The following EPHX2 variants were observed in gnomAD, a reference collection of about 807,000 sequenced individuals.
The protein encoded by EPHX2 is bifunctional epoxide hydrolase 2.
Under a neutral mutation model 78.7 loss-of-function variants are expected in EPHX2, and 74 were observed. The observed-to-expected ratio is 0.94, with a 90% CI of 0.78 to 1.14. The LOEUF is 1.14. Among genes scored for constraint, EPHX2 ranks in the 50% most tolerant of loss-of-function variants. The pLI, the probability that EPHX2 is intolerant of heterozygous loss-of-function variation, is 0.00. For synonymous variants in EPHX2, 251 were observed against 255.2 expected (o/e 0.98, Z 0.16); for missense variants, 715 against 702.5 (o/e 1.02, Z -0.20).
At chr8:27,510,414 A>C (rs1176793019) in intron 5 of EPHX2, among the ~76,000 whole-genome samples, 2 of 152,140 alleles carry the variant, frequency 1.3e-5, no homozygotes, top group Non-Finnish European at 2.9e-5. Flanking sequence ...CTTGTTCAGG[A>C]ATTTCCTATT....
intron 1 of EPHX2, among the ~76,000 whole-genome samples, chr8:27,492,045 G>T (rs1813399319): frequency 6.6e-6 from 1 of 151,158 alleles, no homozygotes; most frequent in African/African-American, 2.4e-5. Flanking sequence ...TTTATAAAGT[G>T]AAAAAGAAGG....
intron 12 of EPHX2, among the ~76,000 whole-genome samples, chr8:27,528,137 A>G (rs568587522): frequency 7.2e-5 from 11 of 152,340 alleles, no homozygotes; most frequent in African/African-American, 2.6e-4. Context: ...TAGTAATTAC[A>G]GCCCTTGTCA....
chr8:27,543,623 T>C (rs1045294106), intron 16 of EPHX2, 126 bp from the exon 17 acceptor site: 69 of 861,100 alleles, frequency 8.0e-5, no homozygotes, highest in Non-Finnish European at 1.2e-4. Context: ...CACGAGTCTG[T>C]TGTGCAAAGT....
At chr8:27,543,223 T>A (rs1405964740) in intron 16 of EPHX2, among the ~76,000 whole-genome samples, 2 of 152,008 alleles carry the variant, frequency 1.3e-5, no homozygotes, top group Non-Finnish European at 2.9e-5. Flanking sequence ...GGGTCAAAGC[T>A]GCTTGGAAAT....
intron 2 of EPHX2, among the ~76,000 whole-genome samples, chr8:27,501,324 TTTC>T (rs796293855): frequency 0.11 from 11,495 of 102,840 alleles, 706 homozygotes; most frequent in Admixed American, 0.12. Flanking sequence ...TGCTATATAT[TTTC>T]TTCTTCTTCT....
In EPHX2 at chr8:27,525,369, G is replaced by A. The variant is rs1351954807; in HGVS notation, c.1066G>A (p.Ala356Thr). 1.2e-6 allele frequency: 2 copies of A among 1,613,900 alleles called. No individual in the cohort carries two copies. The highest frequency in any genetic ancestry group is 3.3e-5 in the Admixed American group (2 of 59,984). Residue 356 changes from alanine to threonine, a missense_variant, in exon 12 of 19, where the codon GCC becomes ACC. By Grantham distance (58) the Ala-to-Thr change is moderately conservative (BLOSUM62 0). Coordinates refer to ENST00000521400, the MANE Select transcript of EPHX2 (RefSeq NM_001979.6). ...LFYPERVRAVASLNTPFIPAN... is the reference protein window; with the variant it reads ...LFYPERVRAVTSLNTPFIPAN... ...TGCCTCTTATTTCTGTAGGGCGGTG[G>A]CCAGTTTGAATACTCCCTTCATACC...
intron 13 of EPHX2, among the ~76,000 whole-genome samples, chr8:27,538,164 C>G (rs893988406): frequency 2.6e-5 from 4 of 152,200 alleles, no homozygotes; most frequent in African/African-American, 9.7e-5. Flanking sequence ...TTGGTTTCCT[C>G]TTAGTACCAA....
intron 2 of EPHX2, among the ~76,000 whole-genome samples, chr8:27,502,469 T>C (rs1224215719): frequency 6.6e-6 from 1 of 152,222 alleles, no homozygotes; most frequent in Admixed American, 6.5e-5. Flanking sequence ...ACATAGCACC[T>C]TCAGCTGCTA....
At chr8:27,502,070 C>T (rs146840900) in intron 2 of EPHX2, among the ~76,000 whole-genome samples, 27 of 152,322 alleles carry the variant, frequency 1.8e-4, no homozygotes, top group Non-Finnish European at 2.2e-4. Context: ...ACATTCTCAG[C>T]GCTGTAGGCA....
At chr8:27,522,114 C>T (rs1395969794) in intron 10 of EPHX2, among the ~76,000 whole-genome samples, 1 of 141,682 alleles carries the variant, frequency 7.1e-6, no homozygotes, top group Admixed American at 7.1e-5. Flanking sequence ...GTAAGTTTTA[C>T]TTCTTTTAAG....
rs1814685440 is a variant in EPHX2 at position 27,522,490 on chromosome 8, T to C, written c.1040T>C (p.Phe347Ser). ...GGMLVWYMALFYPERVRAVAS... is the reference protein window; with the variant it reads ...GGMLVWYMALSYPERVRAVAS... ...ATGCTGGTGTGGTACATGGCTCTCT[T>C]CTACCCCGAGAGAGTGAGGTAATTG... The change falls in exon 11 of 19, where the codon TTC becomes TCC. Residue 347 changes from phenylalanine (F) to serine (S), a missense_variant. Coordinates refer to ENST00000521400, the MANE Select transcript of EPHX2 (RefSeq NM_001979.6). The C allele has an allele frequency of 6.2e-7, 1 of 1,614,034 alleles. No homozygotes were observed. The highest frequency in any genetic ancestry group is 8.5e-7 in the Non-Finnish European group (1 of 1,179,982).
At chr8:27,537,144 C>T (rs1815240684) in intron 13 of EPHX2, among the ~76,000 whole-genome samples, 1 of 152,150 alleles carries the variant, frequency 6.6e-6, no homozygotes, top group Non-Finnish European at 1.5e-5. Context: ...TGTCCCCAAC[C>T]CTCTTCTTGA....
chr8:27,504,882 TC>T lies in EPHX2; in HGVS notation c.347-71del. On this transcript the variant is annotated intron_variant, in intron 3 of 18. Coordinates refer to ENST00000521400, the MANE Select transcript of EPHX2 (RefSeq NM_001979.6). ...CAACCTGCTTGGCCCATCATTGGAG[TC>T]CCTTGGGGGTATCTGGAGCATTTCA... 5 of 1,499,042 alleles carry T rather than the reference TC, an allele frequency of 3.3e-6. No individual in the cohort carries two copies. In the East Asian group the frequency reaches 1.1e-4, roughly 34 times the overall value. 92.9% of individuals were successfully genotyped at this position (1,499,042 alleles called of 1,614,324 possible).
rs75302548 is a variant in EPHX2, at chr8:27,491,156, C to T, written c.-53C>T. 2.5e-3 allele frequency: 3,849 copies of T among 1,511,682 alleles called. 78 individuals are homozygous for T. The African/African-American group carries it at 0.048, about 19-fold the overall frequency. 93.6% of individuals were successfully genotyped at this position (1,511,682 alleles called of 1,614,324 possible). ...GGCGGGTCATGCGCCCTGGCCTTCG[C>T]GCATCTCCCAGGTTAGCTGCGTGTC... On this transcript the variant is annotated 5_prime_UTR_variant, in exon 1 of 19. Transcript: ENST00000521400.
chr8:27,496,687 T>C (rs2132708185), intron 1 of EPHX2, among the ~76,000 whole-genome samples: 1 of 152,310 alleles, frequency 6.6e-6, no homozygotes, highest in South Asian at 2.1e-4. Context: ...GCCTTGAACT[T>C]TTAAATGTCT....
intron 12 of EPHX2, among the ~76,000 whole-genome samples, chr8:27,532,583 T>C (rs969485213): frequency 2.0e-5 from 3 of 151,862 alleles, no homozygotes; most frequent in Non-Finnish European, 2.9e-5. Context: ...CGAGAGAGAG[T>C]CCATTTCATG....
chr8:27,543,700 G>T lies in EPHX2; in HGVS notation c.1450-49G>T, dbSNP rs766848711. The stretch of plus-strand genomic sequence containing the variant: ...GGGGTCTTTCAGAGGAGGAGGGAGG[G>T]CTTCCTTTGTGGAGTGCTGGCCACT... On this transcript the variant is annotated intron_variant, in intron 16 of 18. Transcript: ENST00000521400. 5 of 1,595,070 alleles carry T rather than the reference G, an allele frequency of 3.1e-6. No individual in the cohort carries two copies. The African/African-American group carries it at 5.4e-5, about 17-fold the overall frequency.
rs1344485966 is a variant in EPHX2 at position 27,544,259 on chromosome 8, G to A, written c.1589+15G>A. On this transcript the variant is annotated intron_variant, in intron 18 of 18. Coordinates refer to ENST00000521400, the MANE Select transcript of EPHX2 (RefSeq NM_001979.6). The stretch of plus-strand genomic sequence containing the variant: ...CAGATGGACAAGTAAGGAGGTTGGG[G>A]GCTCCTGGGGTCGGGGAGAGCAGGG... 6.2e-7 allele frequency: 1 copy of A among 1,613,878 alleles called. No homozygotes were observed.
At chr8:27,525,847 A>G (rs1240998412) in intron 12 of EPHX2, among the ~76,000 whole-genome samples, 2 of 152,182 alleles carry the variant, frequency 1.3e-5, no homozygotes, top group African/African-American at 2.4e-5. Flanking sequence ...CAGGCCCCAC[A>G]TGTGCTCTGA....
Sources: allele counts gnomAD v4.1 joint callset (sites outside exome capture counted in the v4.1 genomes callset), GRCh38; gene constraint gnomAD v4.1.1; transcripts MANE v1.5; gene names NCBI Gene and HGNC (gene_info 2026-07-23, HGNC 2026-07-21).